CFAP54: variants seen among roughly 807,000 people sequenced by gnomAD.
The protein encoded by CFAP54 is cilia- and flagella-associated protein 54.
A neutral mutation model predicts 370.4 loss-of-function variants in CFAP54; 290 were observed. The observed-to-expected ratio is 0.78, with a 90% CI of 0.71 to 0.86. The LOEUF (loss-of-function observed/expected upper bound fraction) is 0.86. Ranked by LOEUF, CFAP54 falls within the 40% of genes least tolerant of loss-of-function variation. CFAP54 has a pLI of 0.00. For missense variants in CFAP54, 3,399 were observed against 3,528.7 expected, an observed-to-expected ratio of 0.96 and a Z score of 0.93; for synonymous variants, 1,206 against 1,236.5, an observed-to-expected ratio of 0.98 and a Z score of 0.52.
chr12:96,578,259 G>C (rs949439753), intron 20 of CFAP54, among the ~76,000 whole-genome samples: 1 of 152,170 alleles, frequency 6.6e-6, no homozygotes, highest in African/African-American at 2.4e-5. Context: ...ATGGACATCA[G>C]TGAGAACTGA....
At chr12:96,559,852 A>G (rs1955797438) in intron 17 of CFAP54, among the ~76,000 whole-genome samples, 1 of 152,104 alleles carries the variant, frequency 6.6e-6, no homozygotes, top group African/African-American at 2.4e-5. Context: ...TATATAGTCA[A>G]TTATTTTTTA....
At chr12:96,758,534 T>C (rs1958292941) in intron 58 of CFAP54, among the ~76,000 whole-genome samples, 1 of 152,084 alleles carries the variant, frequency 6.6e-6, no homozygotes, top group East Asian at 1.9e-4. Context: ...TGTGTGGGAA[T>C]TTGGGGAGCT....
intron 50 of CFAP54, among the ~76,000 whole-genome samples, chr12:96,733,525 C>A (rs1299930665): frequency 7.5e-6 from 1 of 133,748 alleles, no homozygotes; most frequent in African/African-American, 2.8e-5. Context: ...CTGCCTCTTT[C>A]TTTCAAAATC....
chr12:96,696,038 T>C (rs1408465996), intron 45 of CFAP54, among the ~76,000 whole-genome samples: 2 of 152,186 alleles, frequency 1.3e-5, no homozygotes, highest in East Asian at 1.9e-4. Context: ...GCTTTGAATC[T>C]TTAGGTTTCA....
chr12:96,549,737 T>G (rs1022586111), intron 15 of CFAP54, among the ~76,000 whole-genome samples: 1 of 152,162 alleles, frequency 6.6e-6, no homozygotes, highest in Admixed American at 6.5e-5. Context: ...ATAGTTTAAA[T>G]GAGATATTGT....
Position 96,539,044 on chromosome 12 carries a change from A to G in CFAP54, c.1926+526A>G, listed in dbSNP as rs191215725. ...GTTTGGATTATTATAGGCATGAGCC[A>G]CCACGCCCGGCCTTTTCAGGTTTTT... On this transcript the variant is annotated intron_variant, in intron 13 of 67. Coordinates refer to ENST00000524981, the MANE Select transcript of CFAP54 (RefSeq NM_001306084.2). 5.9e-3 allele frequency among the ~76,000 whole-genome samples: 835 copies of G among 141,540 alleles called. 4 individuals are homozygous for G. Among genetic ancestry groups the G allele is most frequent in the Middle Eastern group, 0.012 (3 of 246 alleles). 92.9% of individuals were successfully genotyped at this position (141,540 alleles called of 152,430 possible).
At chr12:96,692,296 G>C (rs965894167) in intron 44 of CFAP54, among the ~76,000 whole-genome samples, 1 of 151,996 alleles carries the variant, frequency 6.6e-6, no homozygotes, top group Non-Finnish European at 1.5e-5. Flanking sequence ...ACTGTTAAAG[G>C]GATTCATTTC....
At position 96,710,762 on chromosome 12, in the gene CFAP54, C is replaced by A. The variant is rs572823655; in HGVS notation, c.6724+1959C>A. 2.0e-5 allele frequency among the ~76,000 whole-genome samples: 3 copies of A among 152,088 alleles called. No homozygotes were observed. In the East Asian group the frequency reaches 5.8e-4, roughly 29 times the overall value. Reference sequence around the variant, plus strand: ...GCAACCTCCGCCTCCCAAGTTCAAGCAATTCTCCTGCCTCAGTCTCCTGGG... The same window carrying A: ...GCAACCTCCGCCTCCCAAGTTCAAGAAATTCTCCTGCCTCAGTCTCCTGGG... On this transcript the variant is annotated intron_variant, in intron 48 of 67. Coordinates refer to ENST00000524981, the MANE Select transcript of CFAP54 (RefSeq NM_001306084.2).
intron 32 of CFAP54, among the ~76,000 whole-genome samples, chr12:96,632,769 T>A (rs886197687): frequency 2.0e-5 from 3 of 152,172 alleles, no homozygotes; most frequent in Non-Finnish European, 4.4e-5. Flanking sequence ...AAAAACTCTA[T>A]TATGATTTTG....
At chr12:96,500,180 C>T (rs186814269) in intron 1 of CFAP54, among the ~76,000 whole-genome samples, 68 of 152,258 alleles carry the variant, frequency 4.5e-4, no homozygotes, top group Non-Finnish European at 8.5e-4. Flanking sequence ...ATGCATATTG[C>T]TAAGTGAAAG....
intron 19 of CFAP54, among the ~76,000 whole-genome samples, chr12:96,565,769 T>G (rs895587397): frequency 6.6e-6 from 1 of 152,058 alleles, no homozygotes; most frequent in African/African-American, 2.4e-5. Context: ...AACAGACAGA[T>G]GTAGATAAGA....
At chr12:96,823,744 A>G (rs756992298) in intron 65 of CFAP54, among the ~76,000 whole-genome samples, 20 of 152,260 alleles carry the variant, frequency 1.3e-4, no homozygotes, top group South Asian at 4.1e-4. Flanking sequence ...TGTTGAATGG[A>G]TAAATGGTGA....
At chr12:96,682,706 A>T (rs1957285992) in intron 40 of CFAP54, among the ~76,000 whole-genome samples, 1 of 152,152 alleles carries the variant, frequency 6.6e-6, no homozygotes, top group African/African-American at 2.4e-5. Context: ...TTCTGCATTA[A>T]TGCTGAGATT....
chr12:96,638,726 G>C (rs1183420750), intron 32 of CFAP54, among the ~76,000 whole-genome samples: 1 of 152,098 alleles, frequency 6.6e-6, no homozygotes, highest in Admixed American at 6.5e-5. Flanking sequence ...ATGGTATGTA[G>C]AAATAGAGTT....
intron 39 of CFAP54, 40 bp from the exon 40 acceptor site, chr12:96,679,560 A>G: frequency 6.3e-7 from 1 of 1,583,162 alleles, no homozygotes; most frequent in East Asian, 2.3e-5. Context: ...GGCTTGGTGC[A>G]GCATTTCATC....
At chr12:96,562,376 A>AT (rs904292692) in intron 17 of CFAP54, among the ~76,000 whole-genome samples, 43 of 141,566 alleles carry the variant, frequency 3.0e-4, no homozygotes, top group African/African-American at 9.9e-4. Context: ...TCTATTTTTA[A>AT]TTTTTTTTTC....
Position 96,787,919 on chromosome 12 carries a change from GGTT to G in CFAP54, c.8679+1022_8679+1024del, listed in dbSNP as rs1485015993. Among the ~76,000 whole-genome samples, 5 of 147,620 alleles carry G rather than the reference GGTT, an allele frequency of 3.4e-5. 1 individual carries two copies. Among genetic ancestry groups the G allele is most frequent in the Admixed American group, 3.4e-4 (5 of 14,878 alleles). ...TGAAAAAGTGAGGTTTTTTTTTTTT[GGTT>G]TTTTTTTTGAGACAGAGTCTCTCTC... On this transcript the variant is annotated intron_variant, in intron 62 of 67. Coordinates refer to ENST00000524981, the MANE Select transcript of CFAP54 (RefSeq NM_001306084.2).
At chr12:96,505,085 T>C (rs1236060863) in intron 3 of CFAP54, among the ~76,000 whole-genome samples, 1 of 151,792 alleles carries the variant, frequency 6.6e-6, no homozygotes, top group Non-Finnish European at 1.5e-5. Flanking sequence ...TCTTTTTTTT[T>C]TGGAGTCTTG....
chr12:96,665,328 A>T lies in CFAP54; in HGVS notation c.5563+1396A>T, dbSNP rs551339797. The stretch of plus-strand genomic sequence containing the variant: ...TGCAAAAGCTGTTTAGTTTAATTAG[A>T]TCCCATTTGTCAATTTTTGCTTTTG... On this transcript the variant is annotated intron_variant, in intron 39 of 67. Transcript: ENST00000524981. Among the ~76,000 whole-genome samples, 4 of 152,150 alleles carry T rather than the reference A, an allele frequency of 2.6e-5. No individual in the cohort carries two copies. In the East Asian group the frequency reaches 7.7e-4, roughly 29 times the overall value.
Sources: allele counts gnomAD v4.1 joint callset (sites outside exome capture counted in the v4.1 genomes callset), GRCh38; gene constraint gnomAD v4.1.1; transcripts MANE v1.5; gene names NCBI Gene and HGNC (gene_info 2026-07-23, HGNC 2026-07-21).